KCNK10: variants seen among roughly 807,000 people sequenced by gnomAD.
KCNK10 encodes the protein potassium two pore domain channel subfamily K member 10, also known as potassium channel subfamily K member 10.
KCNK10 carries 25 observed loss-of-function variants against 47.7 expected under a neutral mutation model. The ratio of observed to expected loss-of-function variants is 0.52; its 90% CI spans 0.38 to 0.73. The LOEUF is 0.73. Among genes scored for constraint, KCNK10 ranks in the 30% least tolerant of loss-of-function variants. KCNK10 has a pLI of 0.00. For missense variants in KCNK10, 563 were observed against 714.5 expected, an observed-to-expected ratio of 0.79 and a Z score of 2.42; for synonymous variants, 303 against 285.6, an observed-to-expected ratio of 1.06 and a Z score of -0.61.
At chr14:88,207,168 CT>C (rs55711197) in intron 4 of KCNK10, among the ~76,000 whole-genome samples, 15,494 of 107,644 alleles carry the variant, frequency 0.14, 508 homozygotes, top group East Asian at 0.35. Flanking sequence ...AGGTCACTCT[CT>C]TTTTTTTTTT....
chr14:88,229,410 A>T (rs572141756), intron 3 of KCNK10, among the ~76,000 whole-genome samples: 1 of 152,152 alleles, frequency 6.6e-6, no homozygotes, highest in Non-Finnish European at 1.5e-5. Flanking sequence ...CTAGTGTCAG[A>T]GGTACTCAAG....
chr14:88,246,812 T>A (rs1264127980), intron 2 of KCNK10, among the ~76,000 whole-genome samples: 1 of 152,214 alleles, frequency 6.6e-6, no homozygotes, highest in Non-Finnish European at 1.5e-5. Flanking sequence ...GATTTCCTCA[T>A]CTATAAAATG....
At chr14:88,187,739 G>A (rs771358074) in intron 6 of KCNK10, among the ~76,000 whole-genome samples, 4 of 151,622 alleles carry the variant, frequency 2.6e-5, no homozygotes, top group African/African-American at 4.9e-5. Context: ...GCTGGTAAAC[G>A]AATCACCATA....
At chr14:88,269,024 G>C (rs1230432476) in intron 1 of KCNK10, among the ~76,000 whole-genome samples, 1 of 152,186 alleles carries the variant, frequency 6.6e-6, no homozygotes, top group East Asian at 1.9e-4. Flanking sequence ...TGTAGTCCCA[G>C]CTACTCGGGA....
chr14:88,308,570 G>A (rs376586749), intron 1 of KCNK10, among the ~76,000 whole-genome samples: 42 of 152,348 alleles, frequency 2.8e-4, no homozygotes, highest in Admixed American at 5.2e-4. Flanking sequence ...GTGTGCACGC[G>A]TGCACACGCA....
At chr14:88,210,800 G>C (rs61975837) in intron 4 of KCNK10, among the ~76,000 whole-genome samples, 34,132 of 149,290 alleles carry the variant, frequency 0.23, 4,703 homozygotes, top group Non-Finnish European at 0.31. Context: ...TTTACCAAAC[G>C]CTGTCATTTG....
intron 1 of KCNK10, among the ~76,000 whole-genome samples, chr14:88,307,080 T>C (rs1353962049): frequency 6.6e-6 from 1 of 152,142 alleles, no homozygotes; most frequent in Non-Finnish European, 1.5e-5. Context: ...CAGAGACCAG[T>C]GAGTGGATGA....
At chr14:88,247,833 T>C (rs1005437151) in intron 2 of KCNK10, among the ~76,000 whole-genome samples, 1 of 152,214 alleles carries the variant, frequency 6.6e-6, no homozygotes, top group African/African-American at 2.4e-5. Context: ...GACCAGGCCA[T>C]ATTTGGGGGC....
At chr14:88,262,015 C>T (rs1887126083) in intron 2 of KCNK10, among the ~76,000 whole-genome samples, 1 of 152,184 alleles carries the variant, frequency 6.6e-6, no homozygotes, top group Admixed American at 6.5e-5. Context: ...TAAGCAGCAT[C>T]AGAATTCCCC....
chr14:88,192,184 C>CCGCCAGAG, intron 5 of KCNK10, 40 bp downstream of exon 5: 1 of 1,546,142 alleles, frequency 6.5e-7, no homozygotes, highest in South Asian at 1.2e-5. Flanking sequence ...ATTATTTTTC[C>CCGCCAGAG]CGCCAGAGCC....
At chr14:88,324,063 T>C (rs1648408107), upstream of KCNK10, among the ~76,000 whole-genome samples, 1 of 152,108 alleles carries the variant, frequency 6.6e-6, no homozygotes, top group Non-Finnish European at 1.5e-5. Flanking sequence ...GGTCGTTGGC[T>C]GGAAAGGAGG....
intron 1 of KCNK10, among the ~76,000 whole-genome samples, chr14:88,311,224 A>C (rs949023366): frequency 1.3e-5 from 2 of 152,234 alleles, no homozygotes; most frequent in African/African-American, 4.8e-5. Context: ...TATCCTCTGC[A>C]AACATTCGCT....
intron 1 of KCNK10, among the ~76,000 whole-genome samples, chr14:88,307,357 A>AC (rs55857719): frequency 2.0e-5 from 3 of 151,830 alleles, no homozygotes; most frequent in Non-Finnish European, 4.4e-5. Context: ...ACACACACAC[A>AC]AATATCTACC....
chr14:88,272,325 T>C (rs1341476193), intron 1 of KCNK10, among the ~76,000 whole-genome samples: 6 of 152,154 alleles, frequency 3.9e-5, no homozygotes, highest in Non-Finnish European at 7.4e-5. Flanking sequence ...ATGCTGTGTT[T>C]GACAGAGGTG....
In KCNK10 at chr14:88,260,283, G is replaced by T. The variant is rs570420091; in HGVS notation, c.402+2919C>A. Reference sequence around the variant, plus strand: ...AAAAGTGTGTAGCATCCCTCCCTTTGCTCTCTCTTCCTCCTGCTCCAGCCA... The same window carrying T: ...AAAAGTGTGTAGCATCCCTCCCTTTTCTCTCTCTTCCTCCTGCTCCAGCCA... On this transcript the variant is annotated intron_variant, in intron 2 of 6. Coordinates refer to ENST00000319231, the MANE Select transcript of KCNK10 (RefSeq NM_138317.3). The surrounding 1 kb of genome is among the most constrained non-coding windows in gnomAD (Gnocchi z 4.5). 3.9e-5 allele frequency among the ~76,000 whole-genome samples: 6 copies of T among 152,136 alleles called. No individual in the cohort carries two copies. Among genetic ancestry groups the T allele is most frequent in the East Asian group, 3.9e-4 (2 of 5,158 alleles).
At chr14:88,214,402 A>G (rs1341764592) in intron 4 of KCNK10, among the ~76,000 whole-genome samples, 2 of 152,210 alleles carry the variant, frequency 1.3e-5, no homozygotes, top group East Asian at 3.8e-4. Flanking sequence ...AGGTTGTACA[A>G]AGTAGAGCAG....
intron 4 of KCNK10, among the ~76,000 whole-genome samples, chr14:88,215,313 G>A (rs891480607): frequency 2.6e-5 from 4 of 152,162 alleles, no homozygotes; most frequent in African/African-American, 7.2e-5. Context: ...TACAATCATG[G>A]TGGAAGGCAC....
intron 1 of KCNK10, among the ~76,000 whole-genome samples, chr14:88,281,207 C>T (rs983072598): frequency 5.3e-5 from 8 of 152,334 alleles, no homozygotes; most frequent in Non-Finnish European, 7.4e-5. Flanking sequence ...CATTCTTCCA[C>T]GGCTGGCTCC....
chr14:88,242,721 G>A (rs1406979430), intron 2 of KCNK10, among the ~76,000 whole-genome samples: 6 of 152,200 alleles, frequency 3.9e-5, no homozygotes, highest in Non-Finnish European at 7.3e-5. Context: ...CAGACAGATG[G>A]TGAGTCCTTT....
Sources: gnomAD v4.1 joint callset for allele counts (sites outside exome capture counted in the v4.1 genomes callset) on GRCh38, gnomAD v4.1.1 for gene constraint, Gnocchi (gnomAD v3.1) non-coding constraint, MANE v1.5 for transcripts, NCBI Gene and HGNC (gene_info 2026-07-23, HGNC 2026-07-21) for gene names.